DUSP5: variants seen among roughly 807,000 people sequenced by gnomAD.
The protein encoded by DUSP5 is dual specificity protein phosphatase 5.
Under a neutral mutation model 33.6 loss-of-function variants are expected in DUSP5, and 22 were observed. The observed-to-expected ratio is 0.66, with a 90% CI of 0.47 to 0.94. DUSP5 has a LOEUF of 0.94. Among genes scored for constraint, DUSP5 ranks in the 40% least tolerant of loss-of-function variants. DUSP5 has a pLI of 0.00. For missense variants in DUSP5, 551 were observed against 522.1 expected, an observed-to-expected ratio of 1.06 and a Z score of -0.54; for synonymous variants, 270 against 231.1, an observed-to-expected ratio of 1.17 and a Z score of -1.53.
rs750516594 is a variant in DUSP5, at chr10:110,510,056, A to C, written c.785A>C (p.His262Pro). Residue 262 changes from histidine to proline, a missense_variant, in exon 4 of 4, where the codon CAC (histidine) becomes CCC (proline). Around this residue, in one of 3 missense-constraint regions of DUSP5, gnomAD observed 158 missense variants for 181.8 expected, o/e 0.87. Transcript: ENST00000369583. ...GAAAAGGGAGGCAAGGTCCTGGTCC[A>C]CTGTGAGGCTGGGATCTCCCGTTCA... ...VREKGGKVLV[H>P]CEAGISRSPT... 2.5e-6 allele frequency: 4 copies of C among 1,612,078 alleles called. No individual in the cohort carries two copies. The South Asian group carries it at 4.4e-5, about 18-fold the overall frequency.
intron 2 of DUSP5, chr10:110,503,346 G>C (rs951808916): frequency 6.5e-6 from 1 of 153,754 alleles, no homozygotes; most frequent in Non-Finnish European, 1.4e-5. Context: ...AACTGAAACT[G>C]GTGTTGGTGG....
chr10:110,509,387 G>A (rs1590519918), intron 3 of DUSP5, among the ~76,000 whole-genome samples: 1 of 152,184 alleles, frequency 6.6e-6, no homozygotes, highest in South Asian at 2.1e-4. Context: ...ATAATTAGTG[G>A]CCATGCGCTA....
intron 3 of DUSP5, among the ~76,000 whole-genome samples, chr10:110,509,581 T>C (rs1456111285): frequency 2.0e-5 from 3 of 152,194 alleles, no homozygotes; most frequent in African/African-American, 7.2e-5. Context: ...GAGCCTGGGA[T>C]GCTCTCCTTA....
chr10:110,509,377 A>G (rs1290526870), intron 3 of DUSP5, among the ~76,000 whole-genome samples: 1 of 152,204 alleles, frequency 6.6e-6, no homozygotes, highest in Non-Finnish European at 1.5e-5. Flanking sequence ...AGCCAGGGCT[A>G]TAATTAGTGG....
In DUSP5 at chr10:110,502,223, C is replaced by A. The variant is rs369278094; in HGVS notation, c.380-498C>A. Among the ~76,000 whole-genome samples the A allele has an allele frequency of 2.6e-5, 4 of 152,182 alleles. No homozygotes were observed. The South Asian group carries it at 8.3e-4, about 32-fold the overall frequency. ...GTGAGGCTGTTTTACTGCCCTGAGT[C>A]GAAATGAAACCTCGTATCAGCCCCC... On this transcript the variant is annotated intron_variant, in intron 1 of 3. Transcript: ENST00000369583.
intron 2 of DUSP5, among the ~76,000 whole-genome samples, chr10:110,504,991 C>G (rs1241120080): frequency 6.6e-6 from 1 of 152,184 alleles, no homozygotes; most frequent in African/African-American, 2.4e-5. Flanking sequence ...GTCTGACGCC[C>G]AAGCCCAGGT....
At chr10:110,502,304 T>C (rs978812080) in intron 1 of DUSP5, among the ~76,000 whole-genome samples, 3 of 152,208 alleles carry the variant, frequency 2.0e-5, no homozygotes, top group Non-Finnish European at 4.4e-5. Context: ...GCAGATGGGC[T>C]GGGGAAGAAG....
Position 110,510,527 on chromosome 10 carries a change from C to G in DUSP5, c.*101C>G. ...CCTGTGCAATACTGAAGACCTCATT[C>G]TGTCATGCTGCCCCAGTGAGATAGT... On this transcript the variant is annotated 3_prime_UTR_variant, in exon 4 of 4. Coordinates refer to ENST00000369583, the MANE Select transcript of DUSP5 (RefSeq NM_004419.4). The G allele has an allele frequency of 7.3e-7, 1 of 1,377,646 alleles. No individual in the cohort carries two copies. Among genetic ancestry groups the G allele is most frequent in the Non-Finnish European group, 9.6e-7 (1 of 1,043,846 alleles). The allele number at this position is 1,377,646 out of a possible 1,614,324, so 85.3% of individuals were successfully genotyped here.
At chr10:110,509,503 C>T (rs74611269) in intron 3 of DUSP5, among the ~76,000 whole-genome samples, 472 of 152,264 alleles carry the variant, frequency 3.1e-3, no homozygotes, top group African/African-American at 0.011. Context: ...CTACCAGGAT[C>T]GGGGTTAGGT....
rs755076416 is a variant in DUSP5 at position 110,498,330 on chromosome 10, C to T, written c.209C>T (p.Ala70Val). The change falls in exon 1 of 4, where the codon GCG becomes GTG. Residue 70 changes from alanine (A) to valine (V), a missense_variant. Coordinates refer to ENST00000369583, the MANE Select transcript of DUSP5 (RefSeq NM_004419.4). The part of the protein sequence containing the change: ...VSARYVLPDE[A>V]ARARLLQEGG... ...GCGCGCTACGTGCTGCCCGACGAGGCGGCGCGCGCGCGGCTCCTGCAGGAG... is the reference window on the plus strand; with the variant it reads ...GCGCGCTACGTGCTGCCCGACGAGGTGGCGCGCGCGCGGCTCCTGCAGGAG... The T allele has an allele frequency of 7.5e-7, 1 of 1,341,914 alleles. No individual in the cohort carries two copies. The highest frequency in any genetic ancestry group is 9.5e-7 in the Non-Finnish European group (1 of 1,050,214). The allele number at this position is 1,341,914 out of a possible 1,614,324, so 83.1% of individuals were successfully genotyped here.
intron 1 of DUSP5, among the ~76,000 whole-genome samples, chr10:110,499,941 A>G (rs1458526534): frequency 2.0e-5 from 3 of 152,180 alleles, no homozygotes; most frequent in African/African-American, 2.4e-5. Context: ...AGTTGTCGCC[A>G]CAAAGTAGGC....
Position 110,498,121 on chromosome 10 carries a change from C to A in DUSP5, c.-1C>A. 1 of 1,382,766 alleles carries A rather than the reference C, an allele frequency of 7.2e-7. No individual in the cohort carries two copies. The highest frequency in any genetic ancestry group is 9.4e-7 in the Non-Finnish European group (1 of 1,062,624). The allele number at this position is 1,382,766 out of a possible 1,614,324, so 85.7% of individuals were successfully genotyped here. A position where few individuals can be genotyped will look rare whatever the true frequency, so the allele number is the denominator to read the frequency against. ...GGCCGCTGGCCGGCGGCGGCGGCGG[C>A]ATGAAGGTCACGTCGCTCGACGGGC... On this transcript the variant is annotated 5_prime_UTR_variant, in exon 1 of 4. Transcript: ENST00000369583.
chr10:110,506,429 C>G (rs927864872), intron 2 of DUSP5, among the ~76,000 whole-genome samples: 1 of 151,776 alleles, frequency 6.6e-6, no homozygotes, highest in Non-Finnish European at 1.5e-5. Flanking sequence ...AAGACTCTGT[C>G]TTTCCAAAAA....
At chr10:110,508,436 T>G (rs1000422236) in intron 3 of DUSP5, among the ~76,000 whole-genome samples, 1 of 152,120 alleles carries the variant, frequency 6.6e-6, no homozygotes, top group African/African-American at 2.4e-5. Flanking sequence ...GTGTATTGTG[T>G]CTGTGTACGC....
Position 110,510,390 on chromosome 10 carries a change from C to T in DUSP5, c.1119C>T (p.Leu373=), listed in dbSNP as rs1290662966. The T allele has an allele frequency of 1.2e-6, 2 of 1,607,420 alleles. No homozygotes were observed. Among genetic ancestry groups the T allele is most frequent in the Non-Finnish European group, 1.7e-6 (2 of 1,176,174 alleles). Residue 373 remains leucine (L), a synonymous_variant, in exon 4 of 4, where the codon CTC becomes CTT. Transcript: ENST00000369583. ...PVPTHSTVSE[L]SRSPVATATS... ...CTACCCACTCAACAGTCTCAGAGCT[C>T]AGCAGAAGCCCTGTGGCAACGGCCA...
chr10:110,498,356 G>C lies in DUSP5; in HGVS notation c.235G>C (p.Gly79Arg), dbSNP rs1401996038. Residue 79 changes from glycine (G) to arginine (R), a missense_variant, in exon 1 of 4, where the codon GGC (glycine) becomes CGC (arginine). By Grantham distance (125) the Gly-to-Arg change is moderately radical. This residue lies in a region of DUSP5 where 381 missense variants were observed against 310.4 expected (regional missense o/e 1.23). Transcript: ENST00000369583. ...GGCGCGCGCGCGGCTCCTGCAGGAG[G>C]GCGGCGGCGGCGTCGCGGCCGTGGT... ...EAARARLLQE[G>R]GGGVAAVVVL... The C allele has an allele frequency of 7.2e-7, 1 of 1,390,078 alleles. No homozygotes were observed. Among genetic ancestry groups the C allele is most frequent in the East Asian group, 3.0e-5 (1 of 32,896 alleles). 86.1% of individuals were successfully genotyped at this position (1,390,078 alleles called of 1,614,324 possible).
chr10:110,511,352 CT>C lies in DUSP5; in HGVS notation c.*928del, dbSNP rs1860190981. On this transcript the variant is annotated 3_prime_UTR_variant, in exon 4 of 4. Coordinates refer to ENST00000369583, the MANE Select transcript of DUSP5 (RefSeq NM_004419.4). The stretch of plus-strand genomic sequence containing the variant: ...CTGGAGGTTGTCTTCAAGCTGTGGA[CT>C]TCTGGGATTTGCAGATTTTGCAACG... The C allele has an allele frequency of 6.6e-6, 1 of 152,528 alleles. No homozygotes were observed. The highest frequency in any genetic ancestry group is 2.1e-4 in the South Asian group (1 of 4,828). The allele number at this position is 152,528 out of a possible 1,614,324, so 9.4% of individuals were successfully genotyped here. A position where few individuals can be genotyped will look rare whatever the true frequency, so the allele number is the denominator to read the frequency against.
chr10:110,498,208 G>A lies in DUSP5; in HGVS notation c.87G>A (p.Arg29=). ...CGCGCTGCGTGGTGCTCGACTGCCG[G>A]CCCTATCTGGCCTTCGCTGCCTCGA... ...AAARCVVLDC[R]PYLAFAASNV... is the part of the protein sequence containing the mutation. Residue 29 remains arginine, a synonymous_variant, in exon 1 of 4, where the codon CGG becomes CGA. Coordinates refer to ENST00000369583, the MANE Select transcript of DUSP5 (RefSeq NM_004419.4). The A allele has an allele frequency of 2.6e-6, 4 of 1,510,246 alleles. No individual in the cohort carries two copies. The highest frequency in any genetic ancestry group is 1.2e-5 in the South Asian group (1 of 85,498). 93.6% of individuals were successfully genotyped at this position (1,510,246 alleles called of 1,614,324 possible).
chr10:110,501,969 G>GC, intron 1 of DUSP5, among the ~76,000 whole-genome samples: 1 of 151,826 alleles, frequency 6.6e-6, no homozygotes, highest in East Asian at 1.9e-4. Flanking sequence ...ATTGATTGGG[G>GC]GGGGGGTGCA....
Sources: allele counts gnomAD v4.1 joint callset (sites outside exome capture counted in the v4.1 genomes callset), GRCh38; gene constraint gnomAD v4.1.1; regional missense constraint gnomAD v4.1.1; transcripts MANE v1.5; gene names NCBI Gene and HGNC (gene_info 2026-07-23, HGNC 2026-07-21).